LINGO2: variants seen among roughly 807,000 people sequenced by gnomAD.
LINGO2 encodes the protein leucine-rich repeat and immunoglobulin-like domain-containing nogo receptor-interacting protein 2.
Under a neutral mutation model 30.6 loss-of-function variants are expected in LINGO2, and 14 were observed. The ratio of observed to expected loss-of-function variants is 0.46; its 90% CI spans 0.30 to 0.72. The LOEUF (loss-of-function observed/expected upper bound fraction) is 0.72, where lower values mean the gene tolerates loss of function less well. LINGO2 is among the 30% of genes least tolerant of loss of function. The pLI, the probability that LINGO2 is intolerant of heterozygous loss-of-function variation, is 0.07. For synonymous variants in LINGO2, 317 were observed against 288.5 expected (o/e 1.10, Z -1.00); for missense variants, 729 against 751.7 (o/e 0.97, Z 0.35).
At chr9:28,623,750 A>G (rs1017138499) in intron 1 of LINGO2, among the ~76,000 whole-genome samples, 1 of 151,940 alleles carries the variant, frequency 6.6e-6, no homozygotes, top group Non-Finnish European at 1.5e-5. Context: ...TGGTATTTTG[A>G]TAGGAATTGC....
At chr9:28,602,019 G>A (rs1254637885) in intron 1 of LINGO2, among the ~76,000 whole-genome samples, 4 of 151,988 alleles carry the variant, frequency 2.6e-5, no homozygotes, top group Non-Finnish European at 4.4e-5. Context: ...TCTAAAGTAC[G>A]GATTTGACTA....
chr9:28,354,102 T>G (rs1056399634), intron 3 of LINGO2, among the ~76,000 whole-genome samples: 19 of 152,044 alleles, frequency 1.2e-4, no homozygotes, highest in African/African-American at 4.1e-4. Flanking sequence ...TGTATACATA[T>G]GTAACTAACC....
At chr9:29,150,155 A>C in the LINGO2 span, among the ~76,000 whole-genome samples, 7 of 152,310 alleles carry the variant, frequency 4.6e-5, no homozygotes, top group Admixed American at 3.9e-4. Flanking sequence ...AAATCACAAT[A>C]CCAAAAATAT....
At chr9:29,150,310 A>G in the LINGO2 span, among the ~76,000 whole-genome samples, 49 of 152,356 alleles carry the variant, frequency 3.2e-4, no homozygotes, top group African/African-American at 1.1e-3. Flanking sequence ...AATGGACAAC[A>G]GTCTACTCAG....
chr9:28,472,450 G>A (rs1825560052), intron 2 of LINGO2, among the ~76,000 whole-genome samples: 1 of 151,520 alleles, frequency 6.6e-6, no homozygotes, highest in South Asian at 2.1e-4. Flanking sequence ...AATAACCATA[G>A]AAGCATGAGA....
chr9:28,202,737 A>AT, intron 4 of LINGO2, among the ~76,000 whole-genome samples: 1 of 152,282 alleles, frequency 6.6e-6, no homozygotes, highest in South Asian at 2.1e-4. Context: ...GTAAAATGGG[A>AT]TAATGTACCT....
At chr9:28,516,455 C>T (rs1053059144) in intron 1 of LINGO2, among the ~76,000 whole-genome samples, 11 of 152,156 alleles carry the variant, frequency 7.2e-5, no homozygotes, top group African/African-American at 2.7e-4. Context: ...GGAGCCACAG[C>T]CTGTTGGTTT....
intron 4 of LINGO2, among the ~76,000 whole-genome samples, chr9:28,094,123 A>G (rs1352966013): frequency 1.3e-5 from 2 of 152,122 alleles, no homozygotes; most frequent in Admixed American, 6.6e-5. Context: ...TCTCCCAAGA[A>G]TCAGAATTAT....
intron 2 of LINGO2, among the ~76,000 whole-genome samples, chr9:28,431,598 T>C (rs1203060930): frequency 6.6e-6 from 1 of 152,126 alleles, no homozygotes; most frequent in Admixed American, 6.6e-5. Flanking sequence ...ATTCAATAAC[T>C]CATGTATAAG....
chr9:28,809,961 CACAA>C, the LINGO2 span, among the ~76,000 whole-genome samples: 2 of 152,142 alleles, frequency 1.3e-5, no homozygotes, highest in Admixed American at 6.5e-5. Flanking sequence ...CTTCACCTCA[CACAA>C]ACATTGTGCC....
chr9:29,062,515 A>G, the LINGO2 span, among the ~76,000 whole-genome samples: 9 of 152,116 alleles, frequency 5.9e-5, no homozygotes, highest in Non-Finnish European at 1.2e-4. Context: ...TTTAAAAGGG[A>G]AAGAAATCCT....
chr9:28,910,654 A>ATG, the LINGO2 span, among the ~76,000 whole-genome samples: 1 of 152,006 alleles, frequency 6.6e-6, no homozygotes, highest in East Asian at 1.9e-4. Flanking sequence ...CCATGTGAAG[A>ATG]TGTGCTTGCT....
the LINGO2 span, among the ~76,000 whole-genome samples, chr9:29,055,528 T>G: frequency 2.0e-5 from 3 of 152,194 alleles, no homozygotes; most frequent in Admixed American, 2.0e-4. Context: ...TCTGAATATC[T>G]CTTCAGGTTT....
chr9:28,975,715 T>G, the LINGO2 span, among the ~76,000 whole-genome samples: 14 of 152,178 alleles, frequency 9.2e-5, no homozygotes, highest in African/African-American at 3.1e-4. Flanking sequence ...AGGTCTTTGC[T>G]TAGATTGGCT....
intron 4 of LINGO2, among the ~76,000 whole-genome samples, chr9:28,079,370 C>A (rs1563962008): frequency 6.6e-6 from 1 of 152,136 alleles, no homozygotes; most frequent in Non-Finnish European, 1.5e-5. Flanking sequence ...TCTTGGTGAA[C>A]ACGAGTTAAC....
At chr9:28,375,920 C>T (rs1821112210) in intron 2 of LINGO2, among the ~76,000 whole-genome samples, 1 of 152,134 alleles carries the variant, frequency 6.6e-6, no homozygotes. Flanking sequence ...CACCAAATTA[C>T]TTTGGGCTCC....
chr9:28,312,155 C>T (rs12236630), intron 3 of LINGO2, among the ~76,000 whole-genome samples: 22 of 143,256 alleles, frequency 1.5e-4, no homozygotes, highest in Admixed American at 2.8e-4. Context: ...TTTCTTTTTT[C>T]TTTTTTTTGT....
intron 1 of LINGO2, among the ~76,000 whole-genome samples, chr9:28,614,636 A>T (rs376406829): frequency 1.3e-5 from 2 of 152,138 alleles, no homozygotes; most frequent in South Asian, 2.1e-4. Context: ...CAGGCAGAGA[A>T]ATATATCGGT....
intron 2 of LINGO2, among the ~76,000 whole-genome samples, chr9:28,422,535 G>A (rs1298817149): frequency 6.6e-6 from 1 of 151,960 alleles, no homozygotes; most frequent in Non-Finnish European, 1.5e-5. Flanking sequence ...AGTGTTTCTG[G>A]GGATGTAGAT....
Sources: gnomAD v4.1 joint callset for allele counts (sites outside exome capture counted in the v4.1 genomes callset) on GRCh38, gnomAD v4.1.1 for gene constraint, MANE v1.5 for transcripts, NCBI Gene and HGNC (gene_info 2026-07-23, HGNC 2026-07-21) for gene names.